The following KCNQ1 variants were observed in gnomAD, a reference collection of about 807,000 sequenced individuals.
KCNQ1 encodes potassium voltage-gated channel subfamily Q member 1.
KCNQ1 carries 49 observed loss-of-function variants against 72.4 expected under a neutral mutation model. The ratio of observed to expected loss-of-function variants is 0.68; its 90% confidence interval spans 0.54 to 0.86. KCNQ1 has a LOEUF of 0.86. Among genes scored for constraint, KCNQ1 ranks in the 40% least tolerant of loss-of-function variants. KCNQ1 has a pLI of 0.00. For missense variants in KCNQ1, 790 were observed against 945.1 expected, an observed-to-expected ratio of 0.84 and a Z score of 2.15; for synonymous variants, 450 against 412.6, an observed-to-expected ratio of 1.09 and a Z score of -1.10.
chr11:2,465,334 C>A (rs1446625601), intron 1 of KCNQ1, among the ~76,000 whole-genome samples: 3 of 152,172 alleles, frequency 2.0e-5, no homozygotes, highest in African/African-American at 7.2e-5. Context: ...GAGGCCCTGG[C>A]TGCAGCTGGA....
chr11:2,641,254 G>A (rs1849572328), intron 10 of KCNQ1: 1 of 398,374 alleles, frequency 2.5e-6, no homozygotes, highest in East Asian at 3.6e-5. Context: ...GTTTTCTATA[G>A]TATTAATTTA....
chr11:2,639,318 C>A (rs924072167), intron 10 of KCNQ1: 1 of 152,156 alleles, frequency 6.6e-6, no homozygotes, highest in African/African-American at 2.4e-5. Context: ...TGCTTTTCTG[C>A]TGTTTTTTCC....
intron 10 of KCNQ1, chr11:2,619,693 A>AAGT: frequency 2.5e-6 from 1 of 395,730 alleles, no homozygotes; most frequent in East Asian, 3.6e-5. Flanking sequence ...ATGTGTTAGG[A>AAGT]AGTATTCCCT....
At chr11:2,837,788 A>G (rs1336582011) in intron 15 of KCNQ1, among the ~76,000 whole-genome samples, 2 of 152,242 alleles carry the variant, frequency 1.3e-5, no homozygotes, top group African/African-American at 4.8e-5. Flanking sequence ...GTCCTGAGGT[A>G]GGAACCAGAG....
intron 15 of KCNQ1, among the ~76,000 whole-genome samples, chr11:2,802,834 C>A (rs1847295395): frequency 6.6e-6 from 1 of 152,314 alleles, no homozygotes; most frequent in South Asian, 2.1e-4. Context: ...GAGTGGCCAC[C>A]CACCCTTGGA....
chr11:2,683,953 GCTTTTA>G lies in KCNQ1; in HGVS notation c.1514+21878_1514+21883del. The G allele has an allele frequency of 2.5e-6, 1 of 396,002 alleles. No individual in the cohort carries two copies. The highest frequency in any genetic ancestry group is 3.6e-5 in the East Asian group (1 of 28,066). The allele number at this position is 396,002 out of a possible 1,614,324, so 24.5% of individuals were successfully genotyped here. A position where few individuals can be genotyped will look rare whatever the true frequency, so the allele number is the denominator to read the frequency against. ...CATAGTCAGACAAAACCAGCTGACTGCTTTTACTTTTTTTTTTTTTTCATTTAGAAG... is the reference window on the plus strand; with the variant it reads ...CATAGTCAGACAAAACCAGCTGACTGCTTTTTTTTTTTTTTCATTTAGAAG... On this transcript the variant is annotated intron_variant, in intron 11 of 15. Transcript: ENST00000155840. This position sits in a 1 kb window ranked among gnomAD's most constrained non-coding sequence, Gnocchi z 4.7.
chr11:2,617,612 T>C lies in KCNQ1; in HGVS notation c.1393+28758T>C. On this transcript the variant is annotated intron_variant, in intron 10 of 15. Coordinates refer to ENST00000155840, the MANE Select transcript of KCNQ1 (RefSeq NM_000218.3). The surrounding 1 kb of genome is among the most constrained non-coding windows in gnomAD (Gnocchi z 4.6). Reference sequence around the variant, plus strand: ...GATTAGTGGGTCAGATGATAGTATATTTTCAATTTCTTTAGGAGCCACCAT... The same window carrying C: ...GATTAGTGGGTCAGATGATAGTATACTTTCAATTTCTTTAGGAGCCACCAT... 2 of 398,456 alleles carry C rather than the reference T, an allele frequency of 5.0e-6. No individual in the cohort carries two copies. Among genetic ancestry groups the C allele is most frequent in the South Asian group, 1.3e-4 (1 of 7,860 alleles). The allele number at this position is 398,456 out of a possible 1,614,324, so 24.7% of individuals were successfully genotyped here.
At position 2,676,381 on chromosome 11, in the gene KCNQ1, T is replaced by C. The variant is rs867372979; in HGVS notation, c.1514+14300T>C. On this transcript the variant is annotated intron_variant, in intron 11 of 15. Coordinates refer to ENST00000155840, the MANE Select transcript of KCNQ1 (RefSeq NM_000218.3). The surrounding 1 kb of genome is among the most constrained non-coding windows in gnomAD (Gnocchi z 4.2). ...GCTTCCAGTATAATTGGAAGGAGCA[T>C]AGTCTCTGTGTTCAGCTAGAGATTT... 1.5e-5 allele frequency: 6 copies of C among 398,550 alleles called. No individual in the cohort carries two copies. The highest frequency in any genetic ancestry group is 6.2e-5 in the African/African-American group (3 of 48,658). 24.7% of individuals were successfully genotyped at this position (398,550 alleles called of 1,614,324 possible).
Position 2,848,503 on chromosome 11 carries a change from G to C in KCNQ1, c.*500G>C, listed in dbSNP as rs1331485407. ...GGCCGCCGGCAATAAAAGCCCAGGAGCCCATTTGGAGGGCCTGGGCCTGGC... is the reference window on the plus strand; with the variant it reads ...GGCCGCCGGCAATAAAAGCCCAGGACCCCATTTGGAGGGCCTGGGCCTGGC... On this transcript the variant is annotated 3_prime_UTR_variant, in exon 16 of 16. Transcript: ENST00000155840. The C allele has an allele frequency of 2.2e-6, 1 of 455,604 alleles. No homozygotes were observed. The highest frequency in any genetic ancestry group is 4.4e-6 in the Non-Finnish European group (1 of 227,854). The allele number at this position is 455,604 out of a possible 1,614,324, so 28.2% of individuals were successfully genotyped here.
chr11:2,501,324 G>C (rs1157423771), intron 1 of KCNQ1, among the ~76,000 whole-genome samples: 1 of 66,408 alleles, frequency 1.5e-5, no homozygotes, highest in Non-Finnish European at 3.3e-5. Flanking sequence ...AGTAACTAAA[G>C]TCAGAGACAA....
In KCNQ1 at chr11:2,671,100, GTCTGAGCAGT is replaced by G; in HGVS notation, c.1514+9021_1514+9030del. On this transcript the variant is annotated intron_variant, in intron 11 of 15. Transcript: ENST00000155840. The surrounding 1 kb of genome is among the most constrained non-coding windows in gnomAD (Gnocchi z 4.7). ...CTAGCAGGAGGAAGTCTGGCAGTTAGTCTGAGCAGTTAGTCTGTCAGGCCTGGTTGGTCCC... is the reference window on the plus strand; with the variant it reads ...CTAGCAGGAGGAAGTCTGGCAGTTAGTAGTCTGTCAGGCCTGGTTGGTCCC... 1 of 126,418 alleles carries G rather than the reference GTCTGAGCAGT, an allele frequency of 7.9e-6. No individual in the cohort carries two copies. 7.8% of individuals were successfully genotyped at this position (126,418 alleles called of 1,614,324 possible).
At position 2,491,815 on chromosome 11, in the gene KCNQ1, C is replaced by A. The variant is rs966486821; in HGVS notation, c.387-36113C>A. 6.6e-6 allele frequency among the ~76,000 whole-genome samples: 1 copy of A among 151,752 alleles called. No individual in the cohort carries two copies. Among genetic ancestry groups the A allele is most frequent in the African/African-American group, 2.4e-5 (1 of 41,282 alleles). On this transcript the variant is annotated intron_variant, in intron 1 of 15. Coordinates refer to ENST00000155840, the MANE Select transcript of KCNQ1 (RefSeq NM_000218.3). The surrounding 1 kb of genome is among the most constrained non-coding windows in gnomAD (Gnocchi z 4.1). ...AAAGGTCAAGGATAAAGAAAGGATC[C>A]TAAAAGCAGCAAGAAAAAAAAGACT...
intron 2 of KCNQ1, among the ~76,000 whole-genome samples, chr11:2,528,566 G>A (rs773880650): frequency 3.3e-5 from 5 of 152,354 alleles, no homozygotes; most frequent in East Asian, 1.9e-4. Flanking sequence ...TGATCTGGCC[G>A]TGAGGCTGCC....
In KCNQ1 at chr11:2,645,782, A is replaced by T. The variant is rs1016551881; in HGVS notation, c.1394-16179A>T. 2 of 398,610 alleles carry T rather than the reference A, an allele frequency of 5.0e-6. No homozygotes were observed. The highest frequency in any genetic ancestry group is 4.1e-5 in the African/African-American group (2 of 48,608). 24.7% of individuals were successfully genotyped at this position (398,610 alleles called of 1,614,324 possible). A position where few individuals can be genotyped will look rare whatever the true frequency, so the allele number is the denominator to read the frequency against. On this transcript the variant is annotated intron_variant, in intron 10 of 15. Coordinates refer to ENST00000155840, the MANE Select transcript of KCNQ1 (RefSeq NM_000218.3). This position sits in a 1 kb window ranked among gnomAD's most constrained non-coding sequence, Gnocchi z 5.8. Reference sequence around the variant, plus strand: ...TAGAGGGATGTGGGGCCCACAGCAGATGCAGTCTGGTGGGGGTTGGGCTAT... The same window carrying T: ...TAGAGGGATGTGGGGCCCACAGCAGTTGCAGTCTGGTGGGGGTTGGGCTAT...
intron 11 of KCNQ1, chr11:2,697,963 C>T (rs948226748): frequency 2.5e-6 from 1 of 398,636 alleles, no homozygotes; most frequent in Non-Finnish European, 4.4e-6. Flanking sequence ...CACCCATAAT[C>T]AAGCAACTCA....
intron 11 of KCNQ1, chr11:2,684,941 TC>T (rs1850458729): frequency 2.5e-6 from 1 of 398,688 alleles, no homozygotes; most frequent in Non-Finnish European, 4.4e-6. Flanking sequence ...CAGCATGTTA[TC>T]TTTGTACCTG....
In KCNQ1 at chr11:2,729,555, G is replaced by A. The variant is rs747520213; in HGVS notation, c.1515-39289G>A. On this transcript the variant is annotated intron_variant, in intron 11 of 15. Transcript: ENST00000155840. The stretch of plus-strand genomic sequence containing the variant: ...ATTCAACCAACTGTGGATGGAAAAT[G>A]TTTGGAAAGAAAGTTGCATCTGTGC... 6.6e-4 allele frequency among the ~76,000 whole-genome samples: 101 copies of A among 152,352 alleles called. 1 individual carries two copies. Among genetic ancestry groups the A allele is most frequent in the Non-Finnish European group, 2.6e-4 (18 of 68,022 alleles).
chr11:2,583,064 G>T (rs1323142666), intron 6 of KCNQ1, among the ~76,000 whole-genome samples: 1 of 152,196 alleles, frequency 6.6e-6, no homozygotes, highest in African/African-American at 2.4e-5. Flanking sequence ...GGTCTCCTGG[G>T]GGCCGGCGCA....
At chr11:2,560,670 A>G (rs1197342382) in intron 2 of KCNQ1, among the ~76,000 whole-genome samples, 1 of 152,036 alleles carries the variant, frequency 6.6e-6, no homozygotes, top group Non-Finnish European at 1.5e-5. Context: ...TACAGCACCC[A>G]CAAGGCAGGT....
Sources: gnomAD v4.1 joint callset for allele counts (sites outside exome capture counted in the v4.1 genomes callset) on GRCh38, gnomAD v4.1.1 for gene constraint, Gnocchi (gnomAD v3.1) non-coding constraint, MANE v1.5 for transcripts, NCBI Gene and HGNC (gene_info 2026-07-23, HGNC 2026-07-21) for gene names.